The following CHD1L variants were observed in gnomAD, a reference collection of about 807,000 sequenced individuals.
The protein encoded by CHD1L is ATP-dependent chromatin remodeler CHD1L.
In CHD1L, 118 loss-of-function variants were observed where a neutral mutation model predicts 115.9. The ratio of observed to expected loss-of-function variants is 1.02; its 90% CI spans 0.88 to 1.19. CHD1L has a LOEUF of 1.19. CHD1L is among the 50% of genes most tolerant of loss of function. The pLI is 0.00. For missense variants in CHD1L, 1,179 were observed against 1,065.3 expected (o/e 1.11, Z -1.49); for synonymous variants, 411 against 387.1 (o/e 1.06, Z -0.72).
At chr1:147,284,211 T>G in intron 15 of CHD1L, 140 bp from the exon 16 acceptor site, 4 of 608,256 alleles carry the variant, frequency 6.6e-6, no homozygotes, top group Non-Finnish European at 5.4e-6. Flanking sequence ...GGATGGGAAA[T>G]GAAATACCTT....
rs587699698 is a variant in CHD1L at position 147,256,681 on chromosome 1, G to A, written c.494+119G>A. ...GTCTGGTATGTCTTCCATGAGTTCT[G>A]TTTATGGGTAGGCGGCATGGTGGGA... On this transcript the variant is annotated intron_variant, in intron 5 of 22. Transcript: ENST00000369258. The A allele has an allele frequency of 3.5e-5, 33 of 930,104 alleles. 1 individual carries two copies. The highest frequency in any genetic ancestry group is 2.1e-4 in the Admixed American group (10 of 48,428). 57.6% of individuals were successfully genotyped at this position (930,104 alleles called of 1,614,324 possible).
chr1:147,186,298 G>A, the CHD1L span: 1 of 981,084 alleles, frequency 1.0e-6, no homozygotes, highest in South Asian at 4.7e-5. Context: ...TAAAGACATG[G>A]TTCCTAAGGA....
chr1:147,267,390 T>A, intron 8 of CHD1L, 36 bp from the exon 9 acceptor site: 1 of 1,531,772 alleles, frequency 6.5e-7, no homozygotes. Context: ...CAGTAGGCCA[T>A]CTCTTTCTGT....
chr1:147,191,782 T>G, the CHD1L span, among the ~76,000 whole-genome samples: 602 of 152,100 alleles, frequency 4.0e-3, 15 homozygotes, highest in Admixed American at 0.033. Context: ...TTTCCCCATT[T>G]CTTGTTTTTG....
chr1:147,287,728 T>C lies in CHD1L; in HGVS notation c.2315T>C (p.Met772Thr). The C allele has an allele frequency of 6.2e-7, 1 of 1,613,338 alleles. No homozygotes were observed. The change falls in exon 19 of 23, where the codon ATG becomes ACG. Residue 772 changes from methionine to threonine, a missense_variant. Transcript: ENST00000369258. Reference protein sequence around the residue: ...PRKIYELAGKMKDLSLGGVLL... With the variant: ...PRKIYELAGKTKDLSLGGVLL... Reference sequence around the variant, plus strand: ...AAAATATATGAGCTGGCTGGGAAAATGAAAGGTAAGAAGCAAAGCAGAGGG... The same window carrying C: ...AAAATATATGAGCTGGCTGGGAAAACGAAAGGTAAGAAGCAAAGCAGAGGG...
intron 19 of CHD1L, among the ~76,000 whole-genome samples, chr1:147,288,663 T>C (rs373804323): frequency 6.6e-6 from 1 of 152,110 alleles, no homozygotes; most frequent in Admixed American, 6.6e-5. Flanking sequence ...CCTGGGTGAC[T>C]GAGCAAGACT....
intron 14 of CHD1L, among the ~76,000 whole-genome samples, chr1:147,278,456 C>T (rs1355857293): frequency 2.0e-5 from 3 of 151,092 alleles, no homozygotes; most frequent in African/African-American, 7.3e-5. Flanking sequence ...ATCTCCTGAC[C>T]TTGTGATCCG....
chr1:147,224,878 C>G, the CHD1L span: 1 of 1,612,462 alleles, frequency 6.2e-7, no homozygotes, highest in Non-Finnish European at 8.5e-7. Flanking sequence ...TATTAAGGGA[C>G]TAGGAGATGT....
chr1:147,179,489 C>T, the CHD1L span: 8 of 1,575,202 alleles, frequency 5.1e-6, no homozygotes, highest in African/African-American at 6.8e-5. Context: ...CTCCAGCCAA[C>T]AAGAAGCTAA....
the CHD1L span, chr1:147,187,049 G>C: frequency 1.9e-6 from 3 of 1,614,048 alleles, no homozygotes; most frequent in Admixed American, 1.7e-5. Flanking sequence ...ATAGCTTTTC[G>C]AGCCCCATCC....
chr1:147,184,120 A>T, the CHD1L span, among the ~76,000 whole-genome samples: 1 of 152,204 alleles, frequency 6.6e-6, no homozygotes, highest in African/African-American at 2.4e-5. This position sits in a 1 kb window ranked among gnomAD's most constrained non-coding sequence, Gnocchi z 4.4. Context: ...ATAGAAAAAC[A>T]CAGTAATTTG....
rs1395205042 is a variant in CHD1L, at chr1:147,280,034, G to T, written c.1548G>T (p.Glu516Asp). Residue 516 changes from glutamate (E) to aspartate (D), a missense_variant, in exon 15 of 23, where the codon GAG (glutamate) becomes GAT (aspartate). Glu to Asp is a conservative substitution (Grantham distance 45). Transcript: ENST00000369258. ...PAADADLQLS[E>D]ILKFGLDKLL... Reference sequence around the variant, plus strand: ...TGTTTCCTCTATTCAAGTTGAGTGAGATACTCAAATTTGGTTTGGATAAAC... The same window carrying T: ...TGTTTCCTCTATTCAAGTTGAGTGATATACTCAAATTTGGTTTGGATAAAC... 1 of 1,613,752 alleles carries T rather than the reference G, an allele frequency of 6.2e-7. No individual in the cohort carries two copies. Among genetic ancestry groups the T allele is most frequent in the Non-Finnish European group, 8.5e-7 (1 of 1,180,014 alleles).
At chr1:147,284,180 C>T (rs1553963623) in intron 15 of CHD1L, among the ~76,000 whole-genome samples, 171 bp from the exon 16 acceptor site, 2 of 152,150 alleles carry the variant, frequency 1.3e-5, no homozygotes, top group East Asian at 3.9e-4. Context: ...CATGTAGAAC[C>T]CACATTCTTC....
At chr1:147,194,332 C>T in the CHD1L span, among the ~76,000 whole-genome samples, 2 of 152,194 alleles carry the variant, frequency 1.3e-5, no homozygotes, top group East Asian at 3.9e-4. Context: ...ATTGCAACCC[C>T]TGCCTTTTTT....
chr1:147,287,892 A>G (rs1572160443), intron 19 of CHD1L, among the ~76,000 whole-genome samples, 159 bp downstream of exon 19: 1 of 152,254 alleles, frequency 6.6e-6, no homozygotes, highest in African/African-American at 2.4e-5. Flanking sequence ...TGTGACTTCA[A>G]GGCATTCCTT....
At chr1:147,204,976 G>GCGGAGGAACCAAAGGTTTTCATGC in the CHD1L span, 1 of 1,163,018 alleles carries the variant, frequency 8.6e-7, no homozygotes, top group Non-Finnish European at 1.3e-6. Context: ...TCAGAAGACC[G>GCGGAGGAACCAAAGGTTTTCATGC]CGGAGGAACC....
At chr1:147,236,558 T>C in the CHD1L span, among the ~76,000 whole-genome samples, 2 of 151,828 alleles carry the variant, frequency 1.3e-5, no homozygotes, top group Admixed American at 1.3e-4. Context: ...TCCCATTGAG[T>C]GTTCAGTTCT....
intron 12 of CHD1L, among the ~76,000 whole-genome samples, chr1:147,272,727 T>C (rs1553954302): frequency 1.3e-5 from 2 of 152,196 alleles, no homozygotes; most frequent in Non-Finnish European, 2.9e-5. Flanking sequence ...AATGTGATTA[T>C]GTTGAAAATA....
the CHD1L span, chr1:147,187,340 T>C: frequency 1.2e-6 from 1 of 816,614 alleles, no homozygotes; most frequent in East Asian, 2.6e-5. Context: ...TGGCTCAATA[T>C]CAGACTAGGA....
Sources: gnomAD v4.1 joint callset for allele counts (sites outside exome capture counted in the v4.1 genomes callset) on GRCh38, gnomAD v4.1.1 for gene constraint, Gnocchi (gnomAD v3.1) non-coding constraint, MANE v1.5 for transcripts, NCBI Gene and HGNC (gene_info 2026-07-23, HGNC 2026-07-21) for gene names.